KCNIP4: variants seen among roughly 807,000 people sequenced by gnomAD.
KCNIP4 encodes Kv channel-interacting protein 4.
In KCNIP4, 12 loss-of-function variants were observed where a neutral mutation model predicts 34.0. The observed-to-expected ratio is 0.35, with a 90% confidence interval of 0.23 to 0.57. KCNIP4 has a LOEUF of 0.57. Ranked by LOEUF, KCNIP4 falls within the 20% of genes least tolerant of loss-of-function variation. The pLI, the probability that KCNIP4 is intolerant of heterozygous loss-of-function variation, is 0.83. For missense variants in KCNIP4, 238 were observed against 311.7 expected (o/e 0.76, Z 1.78); for synonymous variants, 124 against 102.2 (o/e 1.21, Z -1.29).
chr4:21,302,238 A>T (rs1430567141), intron 1 of KCNIP4, among the ~76,000 whole-genome samples: 1 of 152,194 alleles, frequency 6.6e-6, no homozygotes, highest in African/African-American at 2.4e-5. Context: ...CATTTGGGAG[A>T]GGGAATATTT....
chr4:21,449,150 C>T (rs555509994), intron 1 of KCNIP4, among the ~76,000 whole-genome samples: 1 of 152,180 alleles, frequency 6.6e-6, no homozygotes, highest in Non-Finnish European at 1.5e-5. Flanking sequence ...AAGGACATAA[C>T]CTTGAGCCAC....
At chr4:20,810,866 T>G (rs899925355) in intron 3 of KCNIP4, among the ~76,000 whole-genome samples, 1 of 152,218 alleles carries the variant, frequency 6.6e-6, no homozygotes, top group Non-Finnish European at 1.5e-5. Context: ...CTGCTTTCCT[T>G]AAATGCAGCT....
chr4:21,869,698 TC>T (rs995734515), intron 1 of KCNIP4, among the ~76,000 whole-genome samples: 4 of 148,816 alleles, frequency 2.7e-5, no homozygotes, highest in Non-Finnish European at 4.5e-5. Context: ...CTCTTGCTCT[TC>T]CCCCCCACCG....
intron 1 of KCNIP4, among the ~76,000 whole-genome samples, chr4:21,863,332 T>C (rs1725211511): frequency 6.7e-6 from 1 of 149,736 alleles, no homozygotes; most frequent in Non-Finnish European, 1.5e-5. Context: ...GAAAAAACTA[T>C]TTTAAAAATT....
intron 1 of KCNIP4, among the ~76,000 whole-genome samples, chr4:21,374,101 G>C (rs577612672): frequency 1.4e-5 from 2 of 147,546 alleles, no homozygotes; most frequent in Admixed American, 1.3e-4. Flanking sequence ...AATTGCAATA[G>C]AGAAAGGATT....
At chr4:21,080,408 G>A (rs997219850) in intron 1 of KCNIP4, among the ~76,000 whole-genome samples, 6 of 151,744 alleles carry the variant, frequency 4.0e-5, no homozygotes, top group Admixed American at 2.0e-4. Context: ...CAGTTCAAAC[G>A]CCAATTCTTC....
chr4:21,243,891 A>G (rs1760021568), intron 1 of KCNIP4, among the ~76,000 whole-genome samples: 1 of 152,152 alleles, frequency 6.6e-6, no homozygotes, highest in Admixed American at 6.5e-5. Flanking sequence ...TTTGGAGAGA[A>G]AATAACATGT....
At chr4:21,632,994 A>G (rs186353124) in intron 1 of KCNIP4, among the ~76,000 whole-genome samples, 1 of 152,310 alleles carries the variant, frequency 6.6e-6, no homozygotes, top group East Asian at 1.9e-4. Context: ...TCTAAACGGT[A>G]CGTTCTTCCA....
chr4:21,545,394 T>G (rs2109006316), intron 1 of KCNIP4, among the ~76,000 whole-genome samples: 1 of 152,278 alleles, frequency 6.6e-6, no homozygotes, highest in East Asian at 1.9e-4. Flanking sequence ...TCTTTTTTTA[T>G]TATTATTACA....
intron 1 of KCNIP4, among the ~76,000 whole-genome samples, chr4:21,778,227 TTTTTTTTTC>T (rs1277937207): frequency 4.2e-4 from 24 of 56,922 alleles, no homozygotes; most frequent in African/African-American, 3.5e-3. Context: ...TTTTTTCCTT[TTTTTTTTTC>T]TTTTTTTTTT....
intron 1 of KCNIP4, among the ~76,000 whole-genome samples, chr4:21,642,588 C>T (rs1175977873): frequency 6.6e-6 from 1 of 152,130 alleles, no homozygotes; most frequent in East Asian, 1.9e-4. Flanking sequence ...ACTGATGACC[C>T]ATTAGCACAA....
At chr4:21,836,788 T>C (rs531391705) in intron 1 of KCNIP4, among the ~76,000 whole-genome samples, 1 of 152,098 alleles carries the variant, frequency 6.6e-6, no homozygotes, top group Non-Finnish European at 1.5e-5. Context: ...GAAACCAGGA[T>C]TGTGGTCAGA....
chr4:21,355,843 C>A (rs973577815), intron 1 of KCNIP4, among the ~76,000 whole-genome samples: 2 of 151,972 alleles, frequency 1.3e-5, no homozygotes, highest in Non-Finnish European at 2.9e-5. Context: ...GGCAGAGACA[C>A]AACAAAAAAA....
At chr4:21,694,934 A>C (rs1230735016) in intron 1 of KCNIP4, among the ~76,000 whole-genome samples, 33,897 of 107,202 alleles carry the variant, frequency 0.32, 4,189 homozygotes, top group Non-Finnish European at 0.43. Flanking sequence ...AAAAAAATAA[A>C]AATAAATAAA....
intron 1 of KCNIP4, among the ~76,000 whole-genome samples, chr4:21,061,020 A>T (rs972697472): frequency 1.3e-5 from 2 of 152,166 alleles, no homozygotes; most frequent in Non-Finnish European, 2.9e-5. Context: ...CTTTTAAATG[A>T]TCGAATAGAA....
intron 1 of KCNIP4, among the ~76,000 whole-genome samples, chr4:21,719,940 G>A (rs2109092929): frequency 7.8e-6 from 1 of 127,868 alleles, no homozygotes; most frequent in South Asian, 2.7e-4. Flanking sequence ...TCCAGCATGG[G>A]CAACAAGAGT....
intron 1 of KCNIP4, among the ~76,000 whole-genome samples, chr4:21,146,988 A>G (rs1752403995): frequency 6.6e-6 from 1 of 152,060 alleles, no homozygotes; most frequent in Non-Finnish European, 1.5e-5. Context: ...TGGGGGGCAT[A>G]TATTTATATA....
At chr4:20,734,781 A>G in intron 5 of KCNIP4, 46 bp from the exon 6 acceptor site, 1 of 1,177,486 alleles carries the variant, frequency 8.5e-7, no homozygotes, top group Non-Finnish European at 1.2e-6. Flanking sequence ...TTTTAAAAAA[A>G]CAAAAACAAA....
Position 21,519,714 on chromosome 4 carries a change from A to G in KCNIP4, c.61+428857T>C, listed in dbSNP as rs111203882. Among the ~76,000 whole-genome samples, 906 of 115,978 alleles carry G rather than the reference A, an allele frequency of 7.8e-3. 23 individuals are homozygous for G. Among genetic ancestry groups the G allele is most frequent in the Admixed American group, 0.011 (125 of 11,358 alleles). 76.1% of individuals were successfully genotyped at this position (115,978 alleles called of 152,430 possible). ...TACACACGTGTGTGTATGTATGTGT[A>G]TATATACACACGTGTGTATATGTAT... On this transcript the variant is annotated intron_variant, in intron 1 of 8. Transcript: ENST00000382152.
Sources: allele counts gnomAD v4.1 joint callset (sites outside exome capture counted in the v4.1 genomes callset), GRCh38; gene constraint gnomAD v4.1.1; transcripts MANE v1.5; gene names NCBI Gene and HGNC (gene_info 2026-07-23, HGNC 2026-07-21).